Variants in TBC1D32 observed in about 807,000 individuals in gnomAD.
The protein encoded by TBC1D32 is TBC1 domain family member 32.
In TBC1D32, 151 loss-of-function variants were observed where a neutral mutation model predicts 170.3. The observed-to-expected ratio is 0.89, with a 90% CI of 0.78 to 1.01. The LOEUF is 1.01. Among genes scored for constraint, TBC1D32 ranks in the 50% least tolerant of loss-of-function variants. The probability of loss-of-function intolerance (pLI) is 0.00; values close to 1 mark genes in which losing one functional copy is unlikely to be tolerated. For synonymous variants in TBC1D32, 498 were observed against 488.0 expected (o/e 1.02, Z -0.27); for missense variants, 1,464 against 1,457.1 (o/e 1.00, Z -0.08).
intron 22 of TBC1D32, among the ~76,000 whole-genome samples, chr6:121,181,386 C>G (rs958733571): frequency 2.0e-5 from 3 of 151,950 alleles, no homozygotes; most frequent in African/African-American, 7.3e-5. Flanking sequence ...GTGTGTGGCA[C>G]CTCCCACTTC....
intron 30 of TBC1D32, among the ~76,000 whole-genome samples, chr6:121,096,876 C>G (rs531084741): frequency 2.6e-4 from 39 of 151,992 alleles, no homozygotes; most frequent in Non-Finnish European, 4.9e-4. Flanking sequence ...AGAACAGAGG[C>G]CTCAGAAATA....
intron 31 of TBC1D32, among the ~76,000 whole-genome samples, chr6:121,085,511 T>TA (rs1776173172): frequency 1.3e-5 from 2 of 151,700 alleles, no homozygotes; most frequent in South Asian, 4.1e-4. Context: ...AATTTTCGAA[T>TA]CCTTGGCATT....
chr6:121,162,125 C>A (rs553818277), intron 22 of TBC1D32, among the ~76,000 whole-genome samples: 1 of 152,236 alleles, frequency 6.6e-6, no homozygotes, highest in Admixed American at 6.5e-5. Flanking sequence ...TGCAAAAAGT[C>A]TTCCCTATTC....
At chr6:121,120,627 G>A (rs1267085700) in intron 26 of TBC1D32, among the ~76,000 whole-genome samples, 1 of 151,822 alleles carries the variant, frequency 6.6e-6, no homozygotes, top group African/African-American at 2.4e-5. Context: ...CTTCACAAAT[G>A]CTTTCCTTTA....
chr6:121,298,482 T>C (rs942987530), intron 10 of TBC1D32, among the ~76,000 whole-genome samples: 6 of 152,102 alleles, frequency 3.9e-5, no homozygotes, highest in Admixed American at 3.3e-4. Context: ...TTCTTTATTT[T>C]TCCTTTCTCT....
At chr6:121,211,385 T>C (rs1203924951) in intron 21 of TBC1D32, among the ~76,000 whole-genome samples, 3 of 152,144 alleles carry the variant, frequency 2.0e-5, no homozygotes, top group African/African-American at 7.2e-5. Flanking sequence ...AAATCCCTGG[T>C]GACTTCTGAG....
rs193295851 is a variant in TBC1D32 at position 121,194,710 on chromosome 6, C to T, written c.2570+10365G>A. Among the ~76,000 whole-genome samples the T allele has an allele frequency of 1.1e-4, 16 of 152,312 alleles. 1 individual carries two copies. In the East Asian group the frequency reaches 3.1e-3, roughly 29 times the overall value. On this transcript the variant is annotated intron_variant, in intron 22 of 31. Transcript: ENST00000398212. ...AGCAATTTTTCTTCAGTGGCAAGGC[C>T]AGCAATATACCTTTACTGTCCCACC...
chr6:121,318,523 G>A (rs1173238594), intron 2 of TBC1D32, among the ~76,000 whole-genome samples: 1 of 151,808 alleles, frequency 6.6e-6, no homozygotes, highest in Non-Finnish European at 1.5e-5. Flanking sequence ...AACAAAAAAG[G>A]CATAAAGATG....
intron 16 of TBC1D32, 75 bp from the exon 17 acceptor site, chr6:121,255,485 A>G (rs1451230903): frequency 3.1e-6 from 1 of 317,604 alleles, no homozygotes; most frequent in Non-Finnish European, 5.3e-6. Flanking sequence ...AATTATATTT[A>G]TAATTATATT....
At chr6:121,194,546 G>A (rs978572347) in intron 22 of TBC1D32, among the ~76,000 whole-genome samples, 3 of 152,208 alleles carry the variant, frequency 2.0e-5, no homozygotes, top group African/African-American at 7.2e-5. Context: ...GCTTAACGAA[G>A]TGGTGACTCC....
At chr6:121,312,197 A>C (rs1277450136) in intron 3 of TBC1D32, among the ~76,000 whole-genome samples, 1 of 152,040 alleles carries the variant, frequency 6.6e-6, no homozygotes, top group East Asian at 1.9e-4. Context: ...CTGTCAGGGA[A>C]TGAGGGGCAA....
chr6:121,277,351 G>T (rs1185574376), intron 15 of TBC1D32, among the ~76,000 whole-genome samples: 5 of 151,864 alleles, frequency 3.3e-5, no homozygotes. Flanking sequence ...AGCCAGGCAT[G>T]GTGGCATGCA....
At chr6:121,139,511 T>G (rs1464626142) in intron 24 of TBC1D32, among the ~76,000 whole-genome samples, 1 of 152,064 alleles carries the variant, frequency 6.6e-6, no homozygotes, top group Non-Finnish European at 1.5e-5. Flanking sequence ...GCAGAAAGTA[T>G]CAGCAAGAAT....
In TBC1D32 at chr6:121,122,948, C is replaced by A. The variant is rs1002521189; in HGVS notation, c.2983+3430G>T. Reference sequence around the variant, plus strand: ...TGGGTACCATGATAATAAGCTGAGACTTTATGCTATGGTCAATGGTGAGAA... The same window carrying A: ...TGGGTACCATGATAATAAGCTGAGAATTTATGCTATGGTCAATGGTGAGAA... On this transcript the variant is annotated intron_variant, in intron 26 of 31. Coordinates refer to ENST00000398212, the MANE Select transcript of TBC1D32 (RefSeq NM_152730.6). Among the ~76,000 whole-genome samples the A allele has an allele frequency of 5.8e-4, 88 of 151,994 alleles. 1 individual carries two copies. Among genetic ancestry groups the A allele is most frequent in the Admixed American group, 5.8e-3 (88 of 15,246 alleles).
At chr6:121,334,583 G>C (rs1462171408), upstream of TBC1D32, 3 of 848,662 alleles carry the variant, frequency 3.5e-6, no homozygotes, top group African/African-American at 1.7e-5. Context: ...GCCCTCAGCT[G>C]CCAGTGCGTC....
intron 23 of TBC1D32, 95 bp downstream of exon 23, chr6:121,160,853 T>C: frequency 1.1e-6 from 1 of 875,792 alleles, no homozygotes; most frequent in East Asian, 2.4e-5. Flanking sequence ...GATGTAGACA[T>C]TTAAGAGGTA....
intron 24 of TBC1D32, among the ~76,000 whole-genome samples, chr6:121,146,764 C>A (rs185246714): frequency 2.6e-5 from 4 of 152,254 alleles, no homozygotes; most frequent in Non-Finnish European, 2.9e-5. Flanking sequence ...TTCCTAGGAA[C>A]TAATAATATA....
At chr6:121,202,657 G>A (rs975115342) in intron 22 of TBC1D32, among the ~76,000 whole-genome samples, 1 of 151,174 alleles carries the variant, frequency 6.6e-6, no homozygotes, top group African/African-American at 2.5e-5. Context: ...GTATTTCATT[G>A]TAAGATGGGA....
At chr6:121,168,400 A>G (rs1459984108) in intron 22 of TBC1D32, among the ~76,000 whole-genome samples, 1 of 127,504 alleles carries the variant, frequency 7.8e-6, no homozygotes, top group East Asian at 2.5e-4. Context: ...TGATGAGTTC[A>G]TGTCCTTTGT....
Sources: gnomAD v4.1 joint callset for allele counts (sites outside exome capture counted in the v4.1 genomes callset) on GRCh38, gnomAD v4.1.1 for gene constraint, MANE v1.5 for transcripts, NCBI Gene and HGNC (gene_info 2026-07-23, HGNC 2026-07-21) for gene names.